Variants in SLIT3 observed in about 807,000 individuals in gnomAD.
SLIT3 encodes the protein slit guidance ligand 3.
SLIT3 carries 68 observed loss-of-function variants against 184.0 expected under a neutral mutation model. That is an observed-to-expected ratio of 0.37 (90% CI 0.30 to 0.45). The LOEUF (loss-of-function observed/expected upper bound fraction) is 0.45, where lower values mean the gene tolerates loss of function less well. SLIT3 is among the 20% of genes least tolerant of loss of function. The probability of loss-of-function intolerance (pLI) is 1.00; values close to 1 mark genes in which losing one functional copy is unlikely to be tolerated. For synonymous variants in SLIT3, 831 were observed against 828.6 expected (o/e 1.00, Z -0.05); for missense variants, 1,707 against 2,026.0 (o/e 0.84, Z 3.02).
At chr5:169,036,961 C>G (rs1757276053) in intron 4 of SLIT3, among the ~76,000 whole-genome samples, 1 of 152,190 alleles carries the variant, frequency 6.6e-6, no homozygotes, top group South Asian at 2.1e-4. Flanking sequence ...TATCCCTGAA[C>G]CACAACACTT....
intron 20 of SLIT3, among the ~76,000 whole-genome samples, chr5:168,728,954 G>A (rs1763216869): frequency 6.7e-6 from 1 of 149,706 alleles, no homozygotes; most frequent in East Asian, 2.0e-4. Flanking sequence ...AAAGCCAACT[G>A]AGAAATTCTG....
intron 4 of SLIT3, among the ~76,000 whole-genome samples, chr5:168,927,396 T>C (rs1761864538): frequency 6.6e-6 from 1 of 152,134 alleles, no homozygotes; most frequent in African/African-American, 2.4e-5. Context: ...TTAATGGGCA[T>C]AGAGGTTCAG....
chr5:169,261,471 T>C (rs1766173563), intron 1 of SLIT3, among the ~76,000 whole-genome samples: 1 of 152,104 alleles, frequency 6.6e-6, no homozygotes, highest in South Asian at 2.1e-4. Flanking sequence ...CCTTATTTTC[T>C]TCTTTCCTTT....
rs66498923 is a variant in SLIT3, at chr5:168,994,623, C to CTTTTTTTTTTTTTTTT, written c.414-111303_414-111288dup. ...ACATGTACCAGTGTCTGGCATTCTA[C>CTTTTTTTTTTTTTTTT]TTTTTTTTTTTTTTTTTTTTTTTTT... On this transcript the variant is annotated intron_variant, in intron 4 of 35. Transcript: ENST00000519560. Among the ~76,000 whole-genome samples the CTTTTTTTTTTTTTTTT allele has an allele frequency of 1.3e-4, 6 of 47,074 alleles. 2 individuals are homozygous for CTTTTTTTTTTTTTTTT. Among genetic ancestry groups the CTTTTTTTTTTTTTTTT allele is most frequent in the East Asian group, 7.7e-4 (1 of 1,300 alleles). 30.9% of individuals were successfully genotyped at this position (47,074 alleles called of 152,430 possible).
intron 16 of SLIT3, 86 bp downstream of exon 16, chr5:168,760,776 A>G (rs1581050411): frequency 1.0e-6 from 1 of 962,090 alleles, no homozygotes; most frequent in Non-Finnish European, 1.7e-6. Context: ...GCTGGGGGAG[A>G]GGCCGGTCCC....
chr5:168,890,988 A>G (rs986610903), intron 4 of SLIT3, among the ~76,000 whole-genome samples: 5 of 152,242 alleles, frequency 3.3e-5, no homozygotes, highest in Non-Finnish European at 5.9e-5. Context: ...TGTGTCTTTA[A>G]GAGCACCAGT....
chr5:169,055,613 G>A (rs563379920), intron 4 of SLIT3, among the ~76,000 whole-genome samples: 10 of 152,242 alleles, frequency 6.6e-5, no homozygotes, highest in South Asian at 2.1e-4. Flanking sequence ...AGGCCAAGGC[G>A]GGTGGATCAT....
intron 4 of SLIT3, among the ~76,000 whole-genome samples, chr5:169,064,967 TCTGAC>T (rs1320161398): frequency 1.3e-5 from 2 of 152,218 alleles, no homozygotes; most frequent in East Asian, 3.9e-4. Context: ...CACAAAGAGT[TCTGAC>T]CTTTCATTCC....
intron 3 of SLIT3, among the ~76,000 whole-genome samples, chr5:169,221,947 T>C (rs765067085): frequency 9.2e-5 from 14 of 152,176 alleles, no homozygotes; most frequent in Admixed American, 3.3e-4. Flanking sequence ...GGGAAATACA[T>C]AGGATGTACA....
intron 26 of SLIT3, among the ~76,000 whole-genome samples, chr5:168,704,113 C>T (rs932334113): frequency 6.6e-6 from 1 of 151,688 alleles, no homozygotes; most frequent in Non-Finnish European, 1.5e-5. Flanking sequence ...AAAAAATGCA[C>T]ACTCTCAGGC....
intron 32 of SLIT3, among the ~76,000 whole-genome samples, chr5:168,681,406 GA>G (rs749903175): frequency 1.3e-5 from 2 of 152,246 alleles, no homozygotes; most frequent in Non-Finnish European, 2.9e-5. Flanking sequence ...CTGCCTCAGG[GA>G]AAAGTGTTTG....
intron 4 of SLIT3, among the ~76,000 whole-genome samples, chr5:169,121,670 A>G (rs540351296): frequency 5.9e-5 from 9 of 152,376 alleles, no homozygotes; most frequent in African/African-American, 1.9e-4. Flanking sequence ...GGAGGCATTT[A>G]TGACAGAGAG....
At chr5:168,690,527 G>A (rs1343358305) in intron 29 of SLIT3, among the ~76,000 whole-genome samples, 1 of 152,142 alleles carries the variant, frequency 6.6e-6, no homozygotes, top group Non-Finnish European at 1.5e-5. Context: ...GTTCACGTTT[G>A]CATTTACATG....
intron 3 of SLIT3, among the ~76,000 whole-genome samples, chr5:169,237,279 T>A (rs772467945): frequency 1.3e-5 from 2 of 152,202 alleles, no homozygotes; most frequent in Admixed American, 6.5e-5. Flanking sequence ...TCACTCTTTG[T>A]GTTGTAAAAT....
intron 6 of SLIT3, among the ~76,000 whole-genome samples, chr5:168,828,162 T>C (rs1175442440): frequency 3.3e-5 from 5 of 152,162 alleles, no homozygotes; most frequent in African/African-American, 2.4e-5. Flanking sequence ...AGTAGTAGCA[T>C]TGGGATTCAA....
At chr5:168,749,717 C>T (rs1486416193) in intron 18 of SLIT3, 82 bp from the exon 19 acceptor site, 1 of 1,480,422 alleles carries the variant, frequency 6.8e-7, no homozygotes, top group South Asian at 1.2e-5. Flanking sequence ...GCCCAGCTCT[C>T]CTAGCCAGGA....
chr5:168,902,440 C>T (rs1760901613), intron 4 of SLIT3, among the ~76,000 whole-genome samples: 1 of 152,076 alleles, frequency 6.6e-6, no homozygotes, highest in African/African-American at 2.4e-5. Flanking sequence ...TGGGAATATG[C>T]ACAACAGGAG....
intron 4 of SLIT3, among the ~76,000 whole-genome samples, chr5:168,895,032 G>A (rs1264487203): frequency 1.3e-5 from 2 of 152,170 alleles, no homozygotes; most frequent in Non-Finnish European, 1.5e-5. Context: ...GGCTGAAGAT[G>A]TACAGAAATA....
At chr5:168,702,266 A>G (rs528795203) in intron 26 of SLIT3, among the ~76,000 whole-genome samples, 1 of 152,380 alleles carries the variant, frequency 6.6e-6, no homozygotes, top group African/African-American at 2.4e-5. Flanking sequence ...TCATGATCGC[A>G]TATCATGTTC....
Sources: allele counts gnomAD v4.1 joint callset (sites outside exome capture counted in the v4.1 genomes callset), GRCh38; gene constraint gnomAD v4.1.1; transcripts MANE v1.5; gene names NCBI Gene and HGNC (gene_info 2026-07-23, HGNC 2026-07-21).